PLCH1: variants seen among roughly 807,000 people sequenced by gnomAD.
PLCH1 encodes phospholipase C eta 1.
PLCH1 carries 60 observed loss-of-function variants against 126.7 expected under a neutral mutation model. The observed-to-expected ratio is 0.47, with a 90% CI of 0.38 to 0.59. The LOEUF is 0.59. Among genes scored for constraint, PLCH1 ranks in the 20% least tolerant of loss-of-function variants. The pLI is 0.00. For synonymous variants in PLCH1, 719 were observed against 734.9 expected (o/e 0.98, Z 0.35); for missense variants, 1,723 against 2,040.0 (o/e 0.84, Z 2.99).
At chr3:155,529,591 A>G (rs1359219662) in intron 10 of PLCH1, among the ~76,000 whole-genome samples, 1 of 152,192 alleles carries the variant, frequency 6.6e-6, no homozygotes, top group Non-Finnish European at 1.5e-5. Flanking sequence ...TAAAAAAAGT[A>G]CATACGTTAA....
chr3:155,656,464 T>C (rs916101930), intron 2 of PLCH1, among the ~76,000 whole-genome samples: 2 of 152,176 alleles, frequency 1.3e-5, no homozygotes, highest in Non-Finnish European at 2.9e-5. Context: ...ACCAGTGAAA[T>C]TTTTTCAGGA....
intron 21 of PLCH1, among the ~76,000 whole-genome samples, chr3:155,464,655 C>T (rs558929854): frequency 1.1e-4 from 17 of 152,104 alleles, no homozygotes; most frequent in Admixed American, 3.3e-4. Flanking sequence ...CGAATGAGTC[C>T]CTTTTCCATC....
At chr3:155,460,723 C>T (rs966970588) in intron 21 of PLCH1, among the ~76,000 whole-genome samples, 1 of 151,984 alleles carries the variant, frequency 6.6e-6, no homozygotes, top group African/African-American at 2.4e-5. Flanking sequence ...TATCTGGTCT[C>T]TGCAAACATA....
chr3:155,471,235 T>C (rs905477190), intron 21 of PLCH1, among the ~76,000 whole-genome samples: 2 of 152,070 alleles, frequency 1.3e-5, no homozygotes, highest in African/African-American at 2.4e-5. Context: ...GAGGAAGACC[T>C]ACCAAGCAAA....
intron 21 of PLCH1, among the ~76,000 whole-genome samples, chr3:155,455,954 T>C (rs1371927462): frequency 6.6e-6 from 1 of 152,222 alleles, no homozygotes; most frequent in Non-Finnish European, 1.5e-5. Flanking sequence ...GAAGTGAAGC[T>C]GGAACATGCA....
chr3:155,647,377 A>C (rs1397058314), intron 2 of PLCH1, among the ~76,000 whole-genome samples: 1 of 151,810 alleles, frequency 6.6e-6, no homozygotes, highest in Admixed American at 6.6e-5. Flanking sequence ...ATAGTAATTT[A>C]ATAAGAATGT....
At chr3:155,573,511 C>T (rs540713775) in intron 6 of PLCH1, among the ~76,000 whole-genome samples, 1 of 152,160 alleles carries the variant, frequency 6.6e-6, no homozygotes, top group African/African-American at 2.4e-5. Flanking sequence ...CCAGATGGTA[C>T]AAGATGGCCT....
chr3:155,498,812 C>T (rs953944048), intron 14 of PLCH1, among the ~76,000 whole-genome samples: 2 of 152,124 alleles, frequency 1.3e-5, no homozygotes, highest in African/African-American at 4.8e-5. Flanking sequence ...CTCCTACAAA[C>T]CACTCATAGG....
intron 15 of PLCH1, among the ~76,000 whole-genome samples, chr3:155,496,062 C>T (rs113070083): frequency 0.015 from 2,291 of 152,234 alleles, 35 homozygotes; most frequent in Non-Finnish European, 0.025. Context: ...TTGATACGAC[C>T]TTGCTAATTA....
intron 2 of PLCH1, among the ~76,000 whole-genome samples, chr3:155,605,417 A>G (rs1346238728): frequency 3.9e-5 from 6 of 152,256 alleles, no homozygotes; most frequent in African/African-American, 1.4e-4. Context: ...CTGAAAAATT[A>G]CCATTTGACT....
At chr3:155,534,319 A>T (rs1161274457) in intron 10 of PLCH1, among the ~76,000 whole-genome samples, 1 of 152,170 alleles carries the variant, frequency 6.6e-6, no homozygotes, top group South Asian at 2.1e-4. Context: ...ATTATATTGG[A>T]GCTTTAAGAT....
At chr3:155,724,813 T>TTGTG (rs60805589) in intron 1 of PLCH1, among the ~76,000 whole-genome samples, 3,641 of 140,128 alleles carry the variant, frequency 0.026, 57 homozygotes, top group South Asian at 0.053. Context: ...TTGGGGGGTT[T>TTGTG]TGTGTGTGTG....
At chr3:155,548,510 A>C (rs566943673) in intron 10 of PLCH1, among the ~76,000 whole-genome samples, 17 of 152,336 alleles carry the variant, frequency 1.1e-4, no homozygotes, top group African/African-American at 1.9e-4. Flanking sequence ...CAATTAGTCC[A>C]CATTAAATAT....
At chr3:155,498,124 TATGTGTC>T (rs1196667759) in intron 14 of PLCH1, among the ~76,000 whole-genome samples, 1 of 152,238 alleles carries the variant, frequency 6.6e-6, no homozygotes, top group Non-Finnish European at 1.5e-5. Flanking sequence ...ATCCATGATG[TATGTGTC>T]ATCTGGTAGA....
intron 19 of PLCH1, among the ~76,000 whole-genome samples, chr3:155,490,447 C>T (rs755767207): frequency 6.6e-6 from 1 of 152,032 alleles, no homozygotes. Context: ...TTTGAGAAAA[C>T]GCATGTCATA....
chr3:155,676,154 T>A, intron 2 of PLCH1: 1 of 1,357,476 alleles, frequency 7.4e-7, no homozygotes, highest in Non-Finnish European at 9.5e-7. Context: ...GGCAAAGAAA[T>A]CCTTAGCAGC....
chr3:155,648,899 C>G (rs1222441936), intron 2 of PLCH1, among the ~76,000 whole-genome samples: 2 of 152,130 alleles, frequency 1.3e-5, no homozygotes, highest in Non-Finnish European at 2.9e-5. Context: ...TAAGGCAGGA[C>G]CAGCATTGCC....
chr3:155,639,565 A>G (rs535875685), intron 2 of PLCH1, among the ~76,000 whole-genome samples: 36 of 152,312 alleles, frequency 2.4e-4, no homozygotes, highest in African/African-American at 8.2e-4. Flanking sequence ...TCATTGGAAA[A>G]TGAAAAGGGA....
At chr3:155,594,952 GAGCTA>G (rs1486596090) in intron 3 of PLCH1, among the ~76,000 whole-genome samples, 7 of 152,214 alleles carry the variant, frequency 4.6e-5, no homozygotes, top group Non-Finnish European at 7.3e-5. Context: ...TCAAATAGCT[GAGCTA>G]CATGGAACTG....
Sources: allele counts gnomAD v4.1 joint callset (sites outside exome capture counted in the v4.1 genomes callset), GRCh38; gene constraint gnomAD v4.1.1; transcripts MANE v1.5; gene names NCBI Gene and HGNC (gene_info 2026-07-23, HGNC 2026-07-21).